MTMR9: variants seen among roughly 807,000 people sequenced by gnomAD.
MTMR9 encodes myotubularin-related protein 9.
In MTMR9, 39 loss-of-function variants were observed where a neutral mutation model predicts 69.5. The ratio of observed to expected loss-of-function variants is 0.56; its 90% CI spans 0.43 to 0.73. The LOEUF is 0.73. Ranked by LOEUF, MTMR9 falls within the 30% of genes least tolerant of loss-of-function variation. MTMR9 has a pLI of 0.00. For missense variants in MTMR9, 900 were observed against 671.2 expected (o/e 1.34, Z -3.77); for synonymous variants, 354 against 240.8 (o/e 1.47, Z -4.35).
intron 8 of MTMR9, chr8:11,319,034 A>G (rs936625391): frequency 3.3e-5 from 5 of 152,204 alleles, no homozygotes; most frequent in Admixed American, 1.3e-4. Context: ...AATCGCCACT[A>G]CAGAACTTAC....
chr8:11,314,945 C>T lies in MTMR9; in HGVS notation c.994C>T (p.His332Tyr). ...CAGGGAAGGAGCATCAATATTGATT[C>T]ACGGAACAGAAGGAACTGATTCCAC... ...IDREGASILI[H>Y]GTEGTDSTLQ... The change falls in exon 7 of 10, where the codon CAC (histidine) becomes TAC (tyrosine). Residue 332 changes from histidine to tyrosine, a missense_variant. Physicochemically the swap from His to Tyr is moderately conservative, Grantham distance 83 (BLOSUM62 2). Coordinates refer to ENST00000221086, the MANE Select transcript of MTMR9 (RefSeq NM_015458.4). 6.2e-7 allele frequency: 1 copy of T among 1,613,804 alleles called. No homozygotes were observed. The highest frequency in any genetic ancestry group is 1.1e-5 in the South Asian group (1 of 91,048).
chr8:11,321,927 C>T (rs537450279), intron 9 of MTMR9, among the ~76,000 whole-genome samples: 1 of 152,144 alleles, frequency 6.6e-6, no homozygotes, highest in Non-Finnish European at 1.5e-5. Flanking sequence ...ATGGTGCAGC[C>T]TGGAAGATTT....
intron 1 of MTMR9, among the ~76,000 whole-genome samples, chr8:11,288,750 G>A (rs768980288): frequency 1.3e-5 from 2 of 152,206 alleles, no homozygotes; most frequent in African/African-American, 2.4e-5. Context: ...CCTTGGAGAG[G>A]TGAAAGCTAG....
At chr8:11,311,529 T>A (rs776994141) in intron 6 of MTMR9, among the ~76,000 whole-genome samples, 1 of 152,248 alleles carries the variant, frequency 6.6e-6, no homozygotes, top group Non-Finnish European at 1.5e-5. Flanking sequence ...TGCAGTCTGT[T>A]AATTGTGCAA....
At chr8:11,301,101 C>G (rs894608842) in intron 3 of MTMR9, among the ~76,000 whole-genome samples, 1 of 152,136 alleles carries the variant, frequency 6.6e-6, no homozygotes, top group Admixed American at 6.5e-5. Context: ...GCAGTTCTCC[C>G]TTAATTGATC....
rs1308818915 is a variant in MTMR9 at position 11,325,121 on chromosome 8, A to T, written c.*2333A>T. The T allele has an allele frequency of 2.0e-5, 3 of 152,238 alleles. No individual in the cohort carries two copies. Among genetic ancestry groups the T allele is most frequent in the Admixed American group, 2.0e-4 (3 of 15,292 alleles). 9.4% of individuals were successfully genotyped at this position (152,238 alleles called of 1,614,324 possible). A position where few individuals can be genotyped will look rare whatever the true frequency, so the allele number is the denominator to read the frequency against. Reference sequence around the variant, plus strand: ...CAAGTTTGCATTTTAGTATTAATTTATAATTAGGGATTGTTCAAACTTCAG... The same window carrying T: ...CAAGTTTGCATTTTAGTATTAATTTTTAATTAGGGATTGTTCAAACTTCAG... On this transcript the variant is annotated 3_prime_UTR_variant, in exon 10 of 10. Transcript: ENST00000221086.
At chr8:11,331,877 G>A, downstream of MTMR9, 1 of 1,612,018 alleles carries the variant, frequency 6.2e-7, no homozygotes, top group Non-Finnish European at 8.5e-7. Context: ...GTTGTGTGGG[G>A]GCAGAGGGGA....
At chr8:11,316,987 C>G in intron 8 of MTMR9, 94 bp downstream of exon 8, 1 of 699,964 alleles carries the variant, frequency 1.4e-6, no homozygotes, top group Non-Finnish European at 2.3e-6. Context: ...CGATTTGGAT[C>G]TATATTAAAA....
chr8:11,322,533 A>G lies in MTMR9; in HGVS notation c.1487-92A>G, dbSNP rs1014216726. 27 of 1,067,992 alleles carry G rather than the reference A, an allele frequency of 2.5e-5. No individual in the cohort carries two copies. In the African/African-American group the frequency reaches 4.0e-4, roughly 16 times the overall value. 66.2% of individuals were successfully genotyped at this position (1,067,992 alleles called of 1,614,324 possible). On this transcript the variant is annotated intron_variant, in intron 9 of 9. Coordinates refer to ENST00000221086, the MANE Select transcript of MTMR9 (RefSeq NM_015458.4). ...GTGGCAACAAAAGAAAAAAGAATGT[A>G]TAATACATAAATTACATCTTATCCA...
intron 2 of MTMR9, among the ~76,000 whole-genome samples, chr8:11,297,007 A>G (rs1223215717): frequency 3.3e-5 from 5 of 152,298 alleles, no homozygotes; most frequent in Non-Finnish European, 7.4e-5. Context: ...TTTGATGTAC[A>G]CTGAAATTTT....
At chr8:11,314,878 T>C in intron 6 of MTMR9, 45 bp from the exon 7 acceptor site, 4 of 1,594,662 alleles carry the variant, frequency 2.5e-6, no homozygotes, top group Non-Finnish European at 3.4e-6. Flanking sequence ...TCATTGACCA[T>C]GTTGGACATT....
chr8:11,317,801 C>T (rs566174740), intron 8 of MTMR9: 1 of 152,374 alleles, frequency 6.6e-6, no homozygotes, highest in East Asian at 1.9e-4. Flanking sequence ...GGGAGGTTGC[C>T]TGGTAATCTC....
Position 11,300,100 on chromosome 8 carries a change from C to G in MTMR9, c.369C>G (p.Gly123=). The change falls in exon 3 of 10, where the codon GGC becomes GGG. Residue 123 remains glycine (G), a synonymous_variant. Transcript: ENST00000221086. The part of the protein sequence containing the change: ...YRPMFEVIED[G]WHSFLPEQEF... The stretch of plus-strand genomic sequence containing the variant: ...CTATGTTTGAAGTGATAGAAGATGG[C>G]TGGCATTCCTTCCTTCCTGAGCAAG... 1 of 1,613,632 alleles carries G rather than the reference C, an allele frequency of 6.2e-7. No homozygotes were observed. The highest frequency in any genetic ancestry group is 8.5e-7 in the Non-Finnish European group (1 of 1,179,682).
At chr8:11,312,661 T>C (rs1800249985) in intron 6 of MTMR9, among the ~76,000 whole-genome samples, 1 of 152,238 alleles carries the variant, frequency 6.6e-6, no homozygotes, top group Admixed American at 6.5e-5. Context: ...TTTTACCTCC[T>C]CTCATGAATC....
intron 6 of MTMR9, among the ~76,000 whole-genome samples, chr8:11,313,083 C>T (rs1450993406): frequency 1.3e-5 from 2 of 152,202 alleles, no homozygotes; most frequent in Non-Finnish European, 2.9e-5. Context: ...CCTTAAGGCC[C>T]CTAGGATTTT....
chr8:11,293,799 A>G (rs1404156600), intron 1 of MTMR9, among the ~76,000 whole-genome samples: 1 of 149,366 alleles, frequency 6.7e-6, no homozygotes, highest in Non-Finnish European at 1.5e-5. Context: ...TGCCAGCACC[A>G]TTTGTTGAAA....
chr8:11,332,406 A>G (rs928686273), downstream of MTMR9, among the ~76,000 whole-genome samples: 1 of 152,130 alleles, frequency 6.6e-6, no homozygotes, highest in African/African-American at 2.4e-5. Context: ...AGACTAAACA[A>G]TTGTCTTAAA....
At chr8:11,299,684 A>G (rs1799683351) in intron 2 of MTMR9, among the ~76,000 whole-genome samples, 2 of 152,360 alleles carry the variant, frequency 1.3e-5, no homozygotes, top group African/African-American at 4.8e-5. Context: ...ACTGATCCCC[A>G]GAAATACTTA....
chr8:11,329,466 G>T (rs923964777), downstream of MTMR9, among the ~76,000 whole-genome samples: 1 of 152,226 alleles, frequency 6.6e-6, no homozygotes, highest in Non-Finnish European at 1.5e-5. Flanking sequence ...GGCTCGCGCC[G>T]CCACGCCTGA....
Sources: allele counts gnomAD v4.1 joint callset (sites outside exome capture counted in the v4.1 genomes callset), GRCh38; gene constraint gnomAD v4.1.1; transcripts MANE v1.5; gene names NCBI Gene and HGNC (gene_info 2026-07-23, HGNC 2026-07-21).